The following PLA2G6 variants were observed in gnomAD, a reference collection of about 807,000 sequenced individuals.
The protein encoded by PLA2G6 is phospholipase A2 group VI.
Under a neutral mutation model 83.8 loss-of-function variants are expected in PLA2G6, and 62 were observed. The observed-to-expected ratio is 0.74, with a 90% CI of 0.60 to 0.91. The LOEUF (loss-of-function observed/expected upper bound fraction) is 0.91. PLA2G6 is among the 40% of genes least tolerant of loss of function. The pLI, the probability that PLA2G6 is intolerant of heterozygous loss-of-function variation, is 0.00. For synonymous variants in PLA2G6, 417 were observed against 449.8 expected (o/e 0.93, Z 0.92); for missense variants, 944 against 1,102.0 (o/e 0.86, Z 2.03).
chr22:38,117,968 A>C (rs2087303916), intron 12 of PLA2G6, among the ~76,000 whole-genome samples: 1 of 151,630 alleles, frequency 6.6e-6, no homozygotes, highest in South Asian at 2.1e-4. Context: ...CCTGGGAAGC[A>C]GAAATTGCAG....
At chr22:38,133,120 G>A in intron 6 of PLA2G6, 107 bp from the exon 7 acceptor site, 1 of 1,109,260 alleles carries the variant, frequency 9.0e-7, no homozygotes, top group Non-Finnish European at 1.3e-6. Flanking sequence ...CAGGTACTGG[G>A]ATGTTGGAAA....
At chr22:38,126,916 T>G (rs545435936) in intron 9 of PLA2G6, 2 of 775,982 alleles carry the variant, frequency 2.6e-6, no homozygotes, top group South Asian at 2.9e-5. Context: ...AAAGGCTGAG[T>G]CAGGACGTTC....
At chr22:38,169,546 GCA>G in intron 1 of PLA2G6, 75 bp from the exon 2 acceptor site, 2 of 817,158 alleles carry the variant, frequency 2.4e-6, no homozygotes, top group South Asian at 1.5e-5. Flanking sequence ...GCGGTTTCCT[GCA>G]CAGACACCCA....
Position 38,174,223 on chromosome 22 carries a change from C to T in PLA2G6, c.-45-4752G>A, listed in dbSNP as rs368514958. Among the ~76,000 whole-genome samples the T allele has an allele frequency of 9.9e-5, 15 of 151,752 alleles. No individual in the cohort carries two copies. In the South Asian group the frequency reaches 1.5e-3, roughly 15 times the overall value. On this transcript the variant is annotated intron_variant, in intron 1 of 16. Transcript: ENST00000332509. ...CATCCTGGCTAACATGGTGAAACCCCGTCTCTACTAAAAATACAAAAAAAA... is the reference window on the plus strand; with the variant it reads ...CATCCTGGCTAACATGGTGAAACCCTGTCTCTACTAAAAATACAAAAAAAA...
chr22:38,172,131 C>T (rs1278844078), intron 1 of PLA2G6, among the ~76,000 whole-genome samples: 1 of 152,200 alleles, frequency 6.6e-6, no homozygotes, highest in Non-Finnish European at 1.5e-5. Context: ...GTGCATCTTG[C>T]TGGCACCATC....
intron 1 of PLA2G6, among the ~76,000 whole-genome samples, chr22:38,175,475 C>G (rs956119947): frequency 6.6e-6 from 1 of 152,150 alleles, no homozygotes; most frequent in Non-Finnish European, 1.5e-5. Context: ...TCTACTCCAG[C>G]CACGCCGCAC....
chr22:38,129,344 G>A, intron 8 of PLA2G6, 110 bp downstream of exon 8: 2 of 781,958 alleles, frequency 2.6e-6, no homozygotes, highest in Non-Finnish European at 4.6e-6. Context: ...TCTGAGCAGG[G>A]CGGGTCAGCA....
At chr22:38,140,627 A>G (rs1213399915) in intron 4 of PLA2G6, 1 of 201,902 alleles carries the variant, frequency 5.0e-6, no homozygotes, top group African/African-American at 2.3e-5. Context: ...AAGGAACTTA[A>G]AAGGTAGCTG....
intron 7 of PLA2G6, chr22:38,131,916 A>C (rs1744552945): frequency 3.0e-6 from 1 of 329,722 alleles, no homozygotes; most frequent in Admixed American, 4.3e-5. Flanking sequence ...GGAGTTCGAG[A>C]CCAGCCTGGC....
At chr22:38,141,390 T>C (rs143439822) in intron 4 of PLA2G6, 9 of 152,386 alleles carry the variant, frequency 5.9e-5, no homozygotes, top group African/African-American at 2.2e-4. Flanking sequence ...TTTTACTGTC[T>C]CACTTTTGGC....
At position 38,132,429 on chromosome 22, in the gene PLA2G6, A is replaced by C. The variant is rs1250150310; in HGVS notation, c.1077+402T>G. On this transcript the variant is annotated intron_variant, in intron 7 of 16. Coordinates refer to ENST00000332509, the MANE Select transcript of PLA2G6 (RefSeq NM_003560.4). The surrounding 1 kb of genome is among the most constrained non-coding windows in gnomAD (Gnocchi z 5.0). Reference sequence around the variant, plus strand: ...TCACTTAGACATTCTGTAGAGGGTGACCAAGTGTCCACCATAACTTTTCCA... The same window carrying C: ...TCACTTAGACATTCTGTAGAGGGTGCCCAAGTGTCCACCATAACTTTTCCA... The C allele has an allele frequency of 9.1e-6, 3 of 329,392 alleles. No homozygotes were observed. Among genetic ancestry groups the C allele is most frequent in the African/African-American group, 6.5e-5 (3 of 46,502 alleles). The allele number at this position is 329,392 out of a possible 1,614,324, so 20.4% of individuals were successfully genotyped here.
At position 38,115,628 on chromosome 22, in the gene PLA2G6, G is replaced by T; in HGVS notation, c.1933C>A (p.Arg645=). The change falls in exon 14 of 17, where the codon CGA becomes AGA. Residue 645 remains arginine, a synonymous_variant. Transcript: ENST00000332509. ...RSSGAAPTYF[R]PNGRFLDGGL... is the part of the protein sequence containing the mutation. ...CCGTCCAGGAAGCGCCCATTGGGTC[G>T]GAAGTAAGTAGGAGCTGCCCCGCTG... The T allele has an allele frequency of 6.2e-7, 1 of 1,607,524 alleles. No homozygotes were observed. Among genetic ancestry groups the T allele is most frequent in the African/African-American group, 1.3e-5 (1 of 74,960 alleles).
At chr22:38,153,329 C>T (rs1044515341) in intron 2 of PLA2G6, among the ~76,000 whole-genome samples, 1 of 152,190 alleles carries the variant, frequency 6.6e-6, no homozygotes, top group African/African-American at 2.4e-5. Context: ...TGAGGAGCGC[C>T]TCTGCCCGGC....
At chr22:38,160,046 T>C (rs1361023067) in intron 2 of PLA2G6, among the ~76,000 whole-genome samples, 5 of 152,174 alleles carry the variant, frequency 3.3e-5, no homozygotes, top group African/African-American at 2.4e-5. Flanking sequence ...AAGAAAAAGA[T>C]AAACAACTTT....
At chr22:38,141,852 G>C (rs1254427450) in intron 4 of PLA2G6, 2 of 152,130 alleles carry the variant, frequency 1.3e-5, no homozygotes, top group African/African-American at 4.8e-5. Context: ...GAGTTCAACA[G>C]TGGGTGGAGA....
intron 9 of PLA2G6, chr22:38,127,402 G>A (rs779942794): frequency 4.2e-5 from 55 of 1,319,920 alleles, no homozygotes; most frequent in East Asian, 2.1e-4. Context: ...GGCCCAGGGC[G>A]TTACCCATCT....
intron 1 of PLA2G6, among the ~76,000 whole-genome samples, chr22:38,181,121 G>GCT (rs1286981430): frequency 1.3e-5 from 2 of 152,090 alleles, no homozygotes; most frequent in Non-Finnish European, 2.9e-5. Flanking sequence ...CTGGTCACAT[G>GCT]CTCCCTGTCA....
At chr22:38,173,522 T>C (rs4380) in intron 1 of PLA2G6, among the ~76,000 whole-genome samples, 78,675 of 151,654 alleles carry the variant, frequency 0.52, 21,046 homozygotes, top group South Asian at 0.64. Context: ...TTGGTGCCCC[T>C]GCTGAGGGAA....
In PLA2G6 at chr22:38,143,251, G is replaced by T. The variant is rs755076805; in HGVS notation, c.463C>A (p.Pro155Thr). The T allele has an allele frequency of 1.2e-6, 2 of 1,613,994 alleles. No individual in the cohort carries two copies. Among genetic ancestry groups the T allele is most frequent in the Non-Finnish European group, 1.7e-6 (2 of 1,180,038 alleles). The change falls in exon 4 of 17, where the codon CCC becomes ACC. Residue 155 changes from proline to threonine, a missense_variant. Coordinates refer to ENST00000332509, the MANE Select transcript of PLA2G6 (RefSeq NM_003560.4). The stretch of plus-strand genomic sequence containing the variant: ...CCCTTGCGGCAGGCCAGGTGCAGGG[G>T]TGTGCAGCCCTCCTCGTTCTCCGCG... The part of the protein sequence containing the change: ...NCAENEEGCT[P>T]LHLACRKGDG...
Sources: allele counts gnomAD v4.1 joint callset (sites outside exome capture counted in the v4.1 genomes callset), GRCh38; gene constraint gnomAD v4.1.1; non-coding constraint Gnocchi (gnomAD v3.1); transcripts MANE v1.5; gene names NCBI Gene and HGNC (gene_info 2026-07-23, HGNC 2026-07-21).